DCDC2: variants seen among roughly 807,000 people sequenced by gnomAD.
DCDC2 encodes the protein doublecortin domain-containing protein 2.
Under a neutral mutation model 50.2 loss-of-function variants are expected in DCDC2, and 40 were observed. The observed-to-expected ratio is 0.80, with a 90% CI of 0.62 to 1.04. The LOEUF (loss-of-function observed/expected upper bound fraction) is 1.04, where lower values mean the gene tolerates loss of function less well. DCDC2 is among the 50% of genes least tolerant of loss of function. DCDC2 has a pLI of 0.00. For missense variants in DCDC2, 570 were observed against 581.9 expected, an observed-to-expected ratio of 0.98 and a Z score of 0.21; for synonymous variants, 234 against 210.6, an observed-to-expected ratio of 1.11 and a Z score of -0.96.
chr6:24,255,806 G>A (rs1762887714), intron 7 of DCDC2, among the ~76,000 whole-genome samples: 1 of 152,264 alleles, frequency 6.6e-6, no homozygotes, highest in South Asian at 2.1e-4. Flanking sequence ...TTCATACATG[G>A]CTTTCAGGAG....
chr6:24,218,485 T>A (rs1581593078), intron 7 of DCDC2, among the ~76,000 whole-genome samples: 2 of 152,316 alleles, frequency 1.3e-5, no homozygotes, highest in East Asian at 3.9e-4. Context: ...CCATTTTATC[T>A]GTCAGTTTTG....
chr6:24,335,166 AC>A (rs1027008097), intron 2 of DCDC2, among the ~76,000 whole-genome samples: 1 of 152,274 alleles, frequency 6.6e-6, no homozygotes, highest in Non-Finnish European at 1.5e-5. Flanking sequence ...TGAAGGGAAG[AC>A]CTGGTACTTT....
At chr6:24,348,383 G>C (rs755863327) in intron 2 of DCDC2, among the ~76,000 whole-genome samples, 5 of 152,202 alleles carry the variant, frequency 3.3e-5, no homozygotes, top group Non-Finnish European at 5.9e-5. Context: ...GCAAGTCTGA[G>C]AGCATCAGCA....
chr6:24,289,647 G>A (rs1763695973), intron 5 of DCDC2, among the ~76,000 whole-genome samples: 1 of 152,176 alleles, frequency 6.6e-6, no homozygotes. Flanking sequence ...GGTAAGGTTG[G>A]TTAGCGATAA....
At chr6:24,348,280 G>A (rs1035023080) in intron 2 of DCDC2, among the ~76,000 whole-genome samples, 1 of 152,180 alleles carries the variant, frequency 6.6e-6, no homozygotes, top group Non-Finnish European at 1.5e-5. Flanking sequence ...TGTTTTTAAG[G>A]TGAAATTAAA....
intron 2 of DCDC2, among the ~76,000 whole-genome samples, chr6:24,344,898 A>C (rs2127250907): frequency 1.3e-5 from 2 of 152,342 alleles, no homozygotes; most frequent in Admixed American, 1.3e-4. Context: ...AGTAGCAGTT[A>C]TATCAGAGTG....
chr6:24,293,081 T>C (rs140448447), intron 4 of DCDC2, among the ~76,000 whole-genome samples: 2,177 of 152,362 alleles, frequency 0.014, 17 homozygotes, highest in Middle Eastern at 0.044. Flanking sequence ...TTGTTTCCTC[T>C]GCAGGTAAGT....
chr6:24,190,763 A>T (rs1243639467), intron 8 of DCDC2, among the ~76,000 whole-genome samples: 1 of 152,226 alleles, frequency 6.6e-6, no homozygotes, highest in Non-Finnish European at 1.5e-5. Flanking sequence ...TCCAGCCATG[A>T]GCAATGTTTG....
intron 2 of DCDC2, chr6:24,353,294 A>G (rs1017279384): frequency 2.0e-6 from 1 of 509,184 alleles, no homozygotes; most frequent in Non-Finnish European, 4.0e-6. Flanking sequence ...GAACCTTCCC[A>G]TGGATTTCAA....
the DCDC2 span, among the ~76,000 whole-genome samples, chr6:24,374,389 T>C: frequency 2.0e-5 from 3 of 151,612 alleles, no homozygotes; most frequent in African/African-American, 7.3e-5. Flanking sequence ...CTGGCCAATA[T>C]GGCAAAACCC....
At chr6:24,368,095 A>G in the DCDC2 span, among the ~76,000 whole-genome samples, 1 of 152,104 alleles carries the variant, frequency 6.6e-6, no homozygotes, top group Non-Finnish European at 1.5e-5. Context: ...ATATTCAGAT[A>G]AGTTATCCTT....
At chr6:24,231,344 G>C (rs547753054) in intron 7 of DCDC2, among the ~76,000 whole-genome samples, 85 of 152,292 alleles carry the variant, frequency 5.6e-4, no homozygotes, top group African/African-American at 1.7e-3. Flanking sequence ...TTATATGCAG[G>C]ATGTGCTTTC....
chr6:24,357,863 A>G lies in DCDC2; in HGVS notation c.-113T>C, dbSNP rs1327922824. On this transcript the variant is annotated 5_prime_UTR_variant, in exon 1 of 10. Coordinates refer to ENST00000378454, the MANE Select transcript of DCDC2 (RefSeq NM_016356.5). ...GGATCGCCTCCTGAAACGAACGAGA[A>G]ACTGACGAATCCACAGGTGAAAGAG... is the stretch of plus-strand genomic sequence containing the variant. The G allele has an allele frequency of 6.3e-7, 1 of 1,583,464 alleles. No individual in the cohort carries two copies. Among genetic ancestry groups the G allele is most frequent in the Middle Eastern group, 1.7e-4 (1 of 5,908 alleles).
At chr6:24,179,921 T>A (rs1204141618) in intron 8 of DCDC2, among the ~76,000 whole-genome samples, 2 of 108,002 alleles carry the variant, frequency 1.9e-5, no homozygotes, top group Admixed American at 1.4e-4. Flanking sequence ...GCTACTGTAC[T>A]CCAGCCTGGG....
Position 24,178,585 on chromosome 6 carries a change from G to T in DCDC2, c.1071C>A (p.Asn357Lys), listed in dbSNP as rs746347880. Residue 357 changes from asparagine to lysine, a missense_variant, in exon 9 of 10, where the codon AAC becomes AAA. Asn to Lys is a moderately conservative substitution (Grantham distance 94, BLOSUM62 0). Transcript: ENST00000378454. The part of the protein sequence containing the change: ...VDEEEDGEKA[N>K]KDAEQKEDFS... ...AGTCTTCTTTCTGTTCTGCATCCTT[G>T]TTTGCCTTCTCTCCATCTTCTTCCT... The T allele has an allele frequency of 1.9e-6, 3 of 1,613,738 alleles. No individual in the cohort carries two copies. In the African/African-American group the frequency reaches 4.0e-5, roughly 22 times the overall value.
At chr6:24,282,498 A>G (rs1210980614) in intron 6 of DCDC2, among the ~76,000 whole-genome samples, 2 of 151,542 alleles carry the variant, frequency 1.3e-5, no homozygotes, top group African/African-American at 4.9e-5. Context: ...CCCACTTGGC[A>G]TCCCAAAGTG....
At chr6:24,276,612 G>A (rs569811105) in intron 7 of DCDC2, among the ~76,000 whole-genome samples, 1 of 152,052 alleles carries the variant, frequency 6.6e-6, no homozygotes, top group African/African-American at 2.4e-5. Context: ...TCACAATCTA[G>A]TATCTATTAA....
rs1561876213 is a variant in DCDC2, at chr6:24,172,993, AATAAT to A, written c.*1732_*1736del. On this transcript the variant is annotated 3_prime_UTR_variant, in exon 10 of 10. Transcript: ENST00000378454. Reference sequence around the variant, plus strand: ...AGAGCAAGACTTCATCTCAAAAAATAATAATAATAATAATAATAATAATAATAAAG... The same window carrying A: ...AGAGCAAGACTTCATCTCAAAAAATAAATAATAATAATAATAATAATAAAG... 21 of 112,442 alleles carry A rather than the reference AATAAT, an allele frequency of 1.9e-4. No individual in the cohort carries two copies. The highest frequency in any genetic ancestry group is 4.1e-3 in the Middle Eastern group (1 of 242). 7.0% of individuals were successfully genotyped at this position (112,442 alleles called of 1,614,324 possible). A position where few individuals can be genotyped will look rare whatever the true frequency, so the allele number is the denominator to read the frequency against.
chr6:24,331,539 A>T (rs1444341024), intron 2 of DCDC2, among the ~76,000 whole-genome samples: 1 of 152,150 alleles, frequency 6.6e-6, no homozygotes, highest in African/African-American at 2.4e-5. Context: ...AAAGTACAAA[A>T]GTTATTGAAT....
Sources: allele counts gnomAD v4.1 joint callset (sites outside exome capture counted in the v4.1 genomes callset), GRCh38; gene constraint gnomAD v4.1.1; transcripts MANE v1.5; gene names NCBI Gene and HGNC (gene_info 2026-07-23, HGNC 2026-07-21).